Variants in ARHGAP26 observed in about 807,000 individuals in gnomAD.
ARHGAP26 encodes the protein Rho GTPase activating protein 26.
ARHGAP26 carries 38 observed loss-of-function variants against 104.8 expected under a neutral mutation model. The ratio of observed to expected loss-of-function variants is 0.36; its 90% CI spans 0.28 to 0.48. The LOEUF (loss-of-function observed/expected upper bound fraction) is 0.48, where lower values mean the gene tolerates loss of function less well. Among genes scored for constraint, ARHGAP26 ranks in the 20% least tolerant of loss-of-function variants. ARHGAP26 has a pLI of 0.99. For missense variants in ARHGAP26, 704 were observed against 947.9 expected, an observed-to-expected ratio of 0.74 and a Z score of 3.38; for synonymous variants, 341 against 340.0, an observed-to-expected ratio of 1.00 and a Z score of -0.03.
chr5:143,184,778 G>A (rs1248974219), intron 20 of ARHGAP26, among the ~76,000 whole-genome samples: 1 of 152,140 alleles, frequency 6.6e-6, no homozygotes, highest in East Asian at 1.9e-4. Context: ...ATTGGACAGA[G>A]GCAACAAAAT....
chr5:142,890,148 AAAAATATATAT>A (rs1254990793), intron 5 of ARHGAP26, among the ~76,000 whole-genome samples: 52 of 83,212 alleles, frequency 6.2e-4, no homozygotes, highest in Admixed American at 1.1e-3. Context: ...AAAAAAAAAA[AAAAATATATAT>A]ATATATATAT....
At chr5:142,857,159 G>T (rs921051982) in intron 1 of ARHGAP26, among the ~76,000 whole-genome samples, 1 of 152,098 alleles carries the variant, frequency 6.6e-6, no homozygotes, top group Non-Finnish European at 1.5e-5. Context: ...CTAGTCATTG[G>T]ATTTAGGACC....
chr5:143,184,968 A>G (rs1313970532), intron 20 of ARHGAP26, among the ~76,000 whole-genome samples: 1 of 152,180 alleles, frequency 6.6e-6, no homozygotes, highest in Admixed American at 6.5e-5. Context: ...ATCAGAAGGA[A>G]TTAATGAGAG....
chr5:143,014,136 A>G lies in ARHGAP26; in HGVS notation c.1144+20A>G. On this transcript the variant is annotated intron_variant, in intron 12 of 22. Transcript: ENST00000645722. ...AAGGGAGTAAGTACGATGCTTGGGTAACCTTCTACAGCCAGGGTTGGGAGT... is the reference window on the plus strand; with the variant it reads ...AAGGGAGTAAGTACGATGCTTGGGTGACCTTCTACAGCCAGGGTTGGGAGT... 1.2e-6 allele frequency: 2 copies of G among 1,613,872 alleles called. No individual in the cohort carries two copies. The highest frequency in any genetic ancestry group is 1.7e-6 in the Non-Finnish European group (2 of 1,179,788).
In ARHGAP26 at chr5:142,835,576, A is replaced by G. The variant is rs546447705; in HGVS notation, c.155-37824A>G. Reference sequence around the variant, plus strand: ...TTACCCAGGTGTCTTTTCAAAATGGAGGGAAATGGTGTTTTGGATTTGATT... The same window carrying G: ...TTACCCAGGTGTCTTTTCAAAATGGGGGGAAATGGTGTTTTGGATTTGATT... On this transcript the variant is annotated intron_variant, in intron 1 of 22. Transcript: ENST00000645722. Among the ~76,000 whole-genome samples, 8 of 152,288 alleles carry G rather than the reference A, an allele frequency of 5.3e-5. No individual in the cohort carries two copies. The East Asian group carries it at 9.6e-4, about 18-fold the overall frequency.
intron 20 of ARHGAP26, among the ~76,000 whole-genome samples, chr5:143,155,377 T>C (rs996416606): frequency 1.1e-4 from 16 of 152,202 alleles, no homozygotes; most frequent in African/African-American, 3.9e-4. Context: ...AGTGGCTTCA[T>C]GTCCACTTTT....
At chr5:142,966,762 T>G (rs1771418263) in intron 11 of ARHGAP26, among the ~76,000 whole-genome samples, 1 of 152,260 alleles carries the variant, frequency 6.6e-6, no homozygotes, top group South Asian at 2.1e-4. Flanking sequence ...CTGGGATACA[T>G]GTGCAGAACG....
intron 5 of ARHGAP26, among the ~76,000 whole-genome samples, chr5:142,894,028 T>TAAA (rs781717097): frequency 1.3e-5 from 2 of 152,058 alleles, no homozygotes; most frequent in African/African-American, 4.8e-5. Flanking sequence ...TTTTTTGTTT[T>TAAA]AAAAAAATAT....
At chr5:142,953,600 A>G (rs1362111895) in intron 11 of ARHGAP26, among the ~76,000 whole-genome samples, 1 of 152,172 alleles carries the variant, frequency 6.6e-6, no homozygotes, top group Non-Finnish European at 1.5e-5. Context: ...GACCCTGGAG[A>G]ACACTGCCTG....
At position 142,939,248 on chromosome 5, in the gene ARHGAP26, C is replaced by T. The variant is rs573278377; in HGVS notation, c.1107+7123C>T. Among the ~76,000 whole-genome samples, 5 of 152,260 alleles carry T rather than the reference C, an allele frequency of 3.3e-5. No homozygotes were observed. In the South Asian group the frequency reaches 1.0e-3, roughly 32 times the overall value. ...TTTTTGCGCAACACACAAAAAATTG[C>T]TGCTGAATTGTTAGGAAGTCACAGT... On this transcript the variant is annotated intron_variant, in intron 11 of 22. Transcript: ENST00000645722.
chr5:143,220,010 C>A (rs920684718), intron 22 of ARHGAP26, among the ~76,000 whole-genome samples: 1 of 152,166 alleles, frequency 6.6e-6, no homozygotes, highest in Non-Finnish European at 1.5e-5. Context: ...TAATTCTTCC[C>A]TTAGCCCTCA....
At chr5:143,064,919 A>C (rs1365693296) in intron 17 of ARHGAP26, among the ~76,000 whole-genome samples, 1 of 152,172 alleles carries the variant, frequency 6.6e-6, no homozygotes, top group Non-Finnish European at 1.5e-5. Context: ...CAAGCTGTTA[A>C]TGTTCAGCAG....
intron 1 of ARHGAP26, among the ~76,000 whole-genome samples, chr5:142,773,893 A>G (rs564928579): frequency 6.6e-6 from 1 of 152,364 alleles, no homozygotes; most frequent in Non-Finnish European, 1.5e-5. Context: ...CTTTCAAAGC[A>G]AGAGTAAAAA....
chr5:143,130,095 G>C (rs1182647092), intron 18 of ARHGAP26, among the ~76,000 whole-genome samples: 1 of 152,166 alleles, frequency 6.6e-6, no homozygotes, highest in African/African-American at 2.4e-5. Flanking sequence ...TGTAGGTGTT[G>C]CTGCCCACTG....
chr5:143,013,306 T>C (rs191454479), intron 11 of ARHGAP26, among the ~76,000 whole-genome samples: 141 of 152,346 alleles, frequency 9.3e-4, no homozygotes, highest in African/African-American at 3.3e-3. Flanking sequence ...CATAATGTCA[T>C]TGATTTTGCC....
intron 20 of ARHGAP26, chr5:143,202,368 G>A (rs978518516): frequency 2.0e-5 from 3 of 151,918 alleles, no homozygotes; most frequent in African/African-American, 7.3e-5. Context: ...GGATATGAAG[G>A]ACCTCTTCAA....
At chr5:142,823,736 C>T (rs547063539) in intron 1 of ARHGAP26, among the ~76,000 whole-genome samples, 9 of 152,228 alleles carry the variant, frequency 5.9e-5, no homozygotes, top group East Asian at 3.9e-4. Flanking sequence ...ATGAATGTCA[C>T]GGTGTGTGTG....
chr5:142,774,733 A>G (rs905889395), intron 1 of ARHGAP26, among the ~76,000 whole-genome samples: 9 of 151,804 alleles, frequency 5.9e-5, no homozygotes, highest in Non-Finnish European at 8.8e-5. Context: ...TGCTCCACCT[A>G]TTCATCCCTC....
intron 1 of ARHGAP26, among the ~76,000 whole-genome samples, chr5:142,832,818 C>T (rs1348739905): frequency 4.6e-5 from 7 of 152,132 alleles, no homozygotes; most frequent in South Asian, 4.2e-4. Context: ...GCTTAAGACA[C>T]GGGTATAGCT....
Sources: gnomAD v4.1 joint callset for allele counts (sites outside exome capture counted in the v4.1 genomes callset) on GRCh38, gnomAD v4.1.1 for gene constraint, MANE v1.5 for transcripts, NCBI Gene and HGNC (gene_info 2026-07-23, HGNC 2026-07-21) for gene names.